The following FOXO3 variants were observed in gnomAD, a reference collection of about 807,000 sequenced individuals.
FOXO3 encodes the protein forkhead box protein O3.
FOXO3 carries 4 observed loss-of-function variants against 41.9 expected under a neutral mutation model. The observed-to-expected ratio is 0.10, with a 90% CI of 0.05 to 0.22. The LOEUF (loss-of-function observed/expected upper bound fraction) is 0.22. Ranked by LOEUF, FOXO3 falls within the 10% of genes least tolerant of loss-of-function variation. FOXO3 has a pLI of 1.00. For synonymous variants in FOXO3, 318 were observed against 389.3 expected (o/e 0.82, Z 2.16); for missense variants, 534 against 906.8 (o/e 0.59, Z 5.28).
chr6:108,628,205 C>T (rs1201415036), intron 1 of FOXO3, among the ~76,000 whole-genome samples: 6 of 152,168 alleles, frequency 3.9e-5, no homozygotes, highest in Non-Finnish European at 8.8e-5. Flanking sequence ...TTGGTTCTCC[C>T]TCCACAGAGA....
intron 2 of FOXO3, among the ~76,000 whole-genome samples, chr6:108,674,521 CA>C (rs2128391537): frequency 6.6e-6 from 1 of 152,244 alleles, no homozygotes; most frequent in South Asian, 2.1e-4. Flanking sequence ...GTTAGGAGCT[CA>C]AAGTCCCTGA....
chr6:108,617,806 T>TG (rs916234292), intron 1 of FOXO3, among the ~76,000 whole-genome samples: 3 of 151,268 alleles, frequency 2.0e-5, no homozygotes, highest in African/African-American at 7.3e-5. Context: ...AAAAAAAAAA[T>TG]GCAGTGTGCT....
chr6:108,665,628 A>C (rs1273970325), intron 2 of FOXO3, among the ~76,000 whole-genome samples: 1 of 152,102 alleles, frequency 6.6e-6, no homozygotes, highest in Non-Finnish European at 1.5e-5. Flanking sequence ...AGAGACCAGC[A>C]TGGGCAACAT....
intron 1 of FOXO3, among the ~76,000 whole-genome samples, chr6:108,654,754 A>C (rs959103016): frequency 1.7e-4 from 26 of 150,134 alleles, no homozygotes; most frequent in African/African-American, 6.1e-4. Context: ...TTTTTTTTTA[A>C]GTCCCTTAAT....
intron 1 of FOXO3, chr6:108,656,396 C>T (rs760708274): frequency 4.5e-5 from 44 of 985,088 alleles, no homozygotes; most frequent in African/African-American, 7.0e-5. Context: ...CTGAAGCGGA[C>T]GTAGGGTACA....
At chr6:108,593,991 T>TA (rs1776805780) in intron 1 of FOXO3, among the ~76,000 whole-genome samples, 1 of 152,156 alleles carries the variant, frequency 6.6e-6, no homozygotes. Flanking sequence ...AGTCCTGGAA[T>TA]TACAGGTGTG....
rs554978644 is a variant in FOXO3 at position 108,563,330 on chromosome 6, T to G, written c.621+1501T>G. 3.3e-5 allele frequency among the ~76,000 whole-genome samples: 5 copies of G among 152,382 alleles called. No homozygotes were observed. The South Asian group carries it at 1.0e-3, about 32-fold the overall frequency. On this transcript the variant is annotated intron_variant, in intron 1 of 2. Coordinates refer to ENST00000406360, the MANE Select transcript of FOXO3 (RefSeq NM_001455.4). ...AATGTGTCTCATTTCTTTTAACAAATGCTTACATTATGAGTCTTATATTTG... is the reference window on the plus strand; with the variant it reads ...AATGTGTCTCATTTCTTTTAACAAAGGCTTACATTATGAGTCTTATATTTG...
chr6:108,567,754 A>G (rs1173457192), intron 1 of FOXO3, among the ~76,000 whole-genome samples: 1 of 152,126 alleles, frequency 6.6e-6, no homozygotes, highest in Non-Finnish European at 1.5e-5. Flanking sequence ...TACCAGAAAA[A>G]AAGAAAACTA....
At chr6:108,674,412 A>C (rs1165230207) in intron 2 of FOXO3, among the ~76,000 whole-genome samples, 1 of 152,208 alleles carries the variant, frequency 6.6e-6, no homozygotes, top group African/African-American at 2.4e-5. Flanking sequence ...TATGTGCTGC[A>C]CGAGGGAAGA....
intron 1 of FOXO3, among the ~76,000 whole-genome samples, chr6:108,653,554 CTG>C (rs2128383400): frequency 6.6e-6 from 1 of 152,274 alleles, no homozygotes; most frequent in East Asian, 1.9e-4. Context: ...GGGTCTGCGA[CTG>C]TGAAGTTGGG....
chr6:108,596,485 T>A (rs17069647), intron 1 of FOXO3, among the ~76,000 whole-genome samples: 19,907 of 152,038 alleles, frequency 0.13, 1,510 homozygotes, highest in South Asian at 0.27. Flanking sequence ...TTATGGGTTG[T>A]TGAATGAACA....
rs146009555 is a variant in FOXO3 at position 108,663,916 on chromosome 6, G to A, written c.1083G>A (p.Pro361=). 1.9e-5 allele frequency: 30 copies of A among 1,614,098 alleles called. No homozygotes were observed. Among genetic ancestry groups the A allele is most frequent in the East Asian group, 2.2e-5 (1 of 44,892 alleles). The change falls in exon 2 of 3, where the codon CCG becomes CCA. Residue 361 remains proline (P), a synonymous_variant. Transcript: ENST00000406360. ...GCCTGTCACCTTCAGTAAGCAAGCC[G>A]TGCACGGTGGAACTGCCACGGCTGA... The part of the protein sequence containing the change: ...SASLSPSVSK[P]CTVELPRLTD...
intron 1 of FOXO3, among the ~76,000 whole-genome samples, chr6:108,630,418 G>A (rs1430791168): frequency 6.6e-6 from 1 of 152,170 alleles, no homozygotes; most frequent in Non-Finnish European, 1.5e-5. Flanking sequence ...TGAGGAGGCA[G>A]TGCCTGAGGT....
chr6:108,669,994 G>T (rs1231548251), intron 2 of FOXO3, among the ~76,000 whole-genome samples: 2 of 152,302 alleles, frequency 1.3e-5, no homozygotes, highest in Admixed American at 1.3e-4. Context: ...ATGCTCAGCA[G>T]CATCTTGTAA....
At chr6:108,678,759 T>C (rs1328868286) in intron 2 of FOXO3, among the ~76,000 whole-genome samples, 1 of 151,926 alleles carries the variant, frequency 6.6e-6, no homozygotes. Context: ...GCCAGGTGCA[T>C]TGGCGTGCCT....
chr6:108,669,600 G>A (rs558281465), intron 2 of FOXO3, among the ~76,000 whole-genome samples: 2 of 152,268 alleles, frequency 1.3e-5, no homozygotes, highest in Non-Finnish European at 2.9e-5. Flanking sequence ...TTTAAAAAAA[G>A]CCGAAAGTCT....
intron 1 of FOXO3, among the ~76,000 whole-genome samples, chr6:108,650,698 C>A (rs1178404472): frequency 6.6e-6 from 1 of 152,166 alleles, no homozygotes; most frequent in East Asian, 1.9e-4. Context: ...AATTAACTTA[C>A]ACATTTGGGA....
chr6:108,602,831 G>A (rs1777090533), intron 1 of FOXO3, among the ~76,000 whole-genome samples: 1 of 152,098 alleles, frequency 6.6e-6, no homozygotes, highest in South Asian at 2.1e-4. Context: ...GAGTTAAGTG[G>A]TCTTTTAATG....
intron 1 of FOXO3, among the ~76,000 whole-genome samples, chr6:108,590,283 C>T (rs59450269): frequency 4.3e-4 from 65 of 152,182 alleles, no homozygotes; most frequent in African/African-American, 1.5e-3. Flanking sequence ...GCCACCACAC[C>T]CAGCACCCAC....
Sources: gnomAD v4.1 joint callset for allele counts (sites outside exome capture counted in the v4.1 genomes callset) on GRCh38, gnomAD v4.1.1 for gene constraint, MANE v1.5 for transcripts, NCBI Gene and HGNC (gene_info 2026-07-23, HGNC 2026-07-21) for gene names.